The following SAMD5 variants were observed in gnomAD, a reference collection of about 807,000 sequenced individuals.
SAMD5 encodes the protein sterile alpha motif domain containing 5, also known as sterile alpha motif domain-containing protein 5.
Under a neutral mutation model 11.3 loss-of-function variants are expected in SAMD5, and 13 were observed. The ratio of observed to expected loss-of-function variants is 1.15; its 90% CI spans 0.75 to 1.83. The LOEUF (loss-of-function observed/expected upper bound fraction) is 1.83. Among genes scored for constraint, SAMD5 ranks in the 40% most tolerant of loss-of-function variants. The pLI, the probability that SAMD5 is intolerant of heterozygous loss-of-function variation, is 0.00. For synonymous variants in SAMD5, 129 were observed against 111.3 expected (o/e 1.16, Z -1.00); for missense variants, 255 against 239.1 (o/e 1.07, Z -0.44).
At chr6:147,768,439 A>G in the SAMD5 span, among the ~76,000 whole-genome samples, 1 of 152,198 alleles carries the variant, frequency 6.6e-6, no homozygotes, top group Admixed American at 6.5e-5. Flanking sequence ...CGGAGGTTGC[A>G]GTGAGTAGAG....
chr6:147,515,355 G>T (rs1788151787), intron 1 of SAMD5, among the ~76,000 whole-genome samples: 1 of 151,760 alleles, frequency 6.6e-6, no homozygotes, highest in Non-Finnish European at 1.5e-5. Context: ...TCAGCCAACT[G>T]CCTGTCCACC....
rs1554239609 is a variant in SAMD5, at chr6:147,643,795, A to AGGAAAG, written c.163-93522_163-93521insGGAAAG. Among the ~76,000 whole-genome samples the AGGAAAG allele has an allele frequency of 1.5e-3, 225 of 147,070 alleles. 1 individual carries two copies. The highest frequency in any genetic ancestry group is 2.6e-3 in the Non-Finnish European group (174 of 66,448). On this transcript the variant is annotated intron_variant, in intron 1 of 1. Coordinates refer to the SAMD5 transcript ENST00000566741. ...AAGGAAGGAAGGAAGGAAGGAAGGA[A>AGGAAAG]AGAGAGAGAGAGAGAAAGAAAGAAA...
At chr6:147,750,567 A>C in the SAMD5 span, among the ~76,000 whole-genome samples, 1 of 152,150 alleles carries the variant, frequency 6.6e-6, no homozygotes, top group Non-Finnish European at 1.5e-5. Flanking sequence ...ACATTGCTTT[A>C]GACCAGGCTT....
chr6:147,723,410 A>G (rs1388501165), intron 1 of SAMD5, among the ~76,000 whole-genome samples: 3 of 152,172 alleles, frequency 2.0e-5, no homozygotes, highest in African/African-American at 7.2e-5. Flanking sequence ...CTGCCATGGA[A>G]CAGGAGGATT....
the SAMD5 span, among the ~76,000 whole-genome samples, chr6:147,773,027 G>A: frequency 2.0e-5 from 3 of 152,098 alleles, no homozygotes; most frequent in Admixed American, 6.5e-5. Context: ...GAGTCACATG[G>A]CCATTGTCTT....
chr6:147,754,055 G>A, the SAMD5 span, among the ~76,000 whole-genome samples: 1 of 151,906 alleles, frequency 6.6e-6, no homozygotes, highest in Non-Finnish European at 1.5e-5. Context: ...TTTTCTTTTG[G>A]GTATATACCC....
chr6:147,915,967 C>G, the SAMD5 span, among the ~76,000 whole-genome samples: 3 of 144,700 alleles, frequency 2.1e-5, no homozygotes, highest in African/African-American at 7.7e-5. Flanking sequence ...TGTTCTCACT[C>G]GTCAATTCCC....
chr6:147,876,829 T>C, the SAMD5 span, among the ~76,000 whole-genome samples: 126,739 of 152,214 alleles, frequency 0.83, 53,073 homozygotes, highest in African/African-American at 0.91. Flanking sequence ...GGTGATCAAA[T>C]AGCTATTTCA....
chr6:147,930,756 C>T, the SAMD5 span, among the ~76,000 whole-genome samples: 1 of 152,054 alleles, frequency 6.6e-6, no homozygotes, highest in Non-Finnish European at 1.5e-5. Context: ...GTCTGATGTG[C>T]AAAGGCAGGA....
At chr6:147,912,553 GC>G in the SAMD5 span, among the ~76,000 whole-genome samples, 1 of 152,146 alleles carries the variant, frequency 6.6e-6, no homozygotes, top group South Asian at 2.1e-4. Context: ...CTTCAATCTA[GC>G]AGTCCACCTT....
At chr6:147,614,873 C>G (rs1482760160) in intron 1 of SAMD5, among the ~76,000 whole-genome samples, 7 of 151,904 alleles carry the variant, frequency 4.6e-5, no homozygotes, top group African/African-American at 1.7e-4. Flanking sequence ...TCCGTGGATT[C>G]AACCAACCAT....
At chr6:147,941,805 G>A in the SAMD5 span, among the ~76,000 whole-genome samples, 19 of 152,210 alleles carry the variant, frequency 1.2e-4, 1 homozygote, top group East Asian at 3.5e-3. Context: ...TACTTTGGAA[G>A]TTAATTTAGA....
At chr6:147,893,033 T>C in the SAMD5 span, among the ~76,000 whole-genome samples, 17 of 152,164 alleles carry the variant, frequency 1.1e-4, no homozygotes, top group Admixed American at 2.6e-4. Context: ...ACCAACGTGG[T>C]GAAACCCTGT....
intron 1 of SAMD5, among the ~76,000 whole-genome samples, chr6:147,515,365 C>T (rs1171317311): frequency 6.6e-6 from 1 of 151,786 alleles, no homozygotes; most frequent in East Asian, 1.9e-4. Flanking sequence ...GCCTGTCCAC[C>T]CATCCATCCA....
chr6:147,801,086 C>G, the SAMD5 span, among the ~76,000 whole-genome samples: 1 of 152,092 alleles, frequency 6.6e-6, no homozygotes, highest in South Asian at 2.1e-4. Flanking sequence ...AGTTTGCTCT[C>G]CACATACGGT....
chr6:147,677,512 G>GA (rs1790879764), intron 1 of SAMD5, among the ~76,000 whole-genome samples: 1 of 152,122 alleles, frequency 6.6e-6, no homozygotes, highest in East Asian at 1.9e-4. Context: ...GAAAATGGAG[G>GA]AAAAATGTGA....
Position 147,565,770 on chromosome 6 carries a change from T to C in SAMD5, c.*1314T>C, listed in dbSNP as rs1260749844. On this transcript the variant is annotated 3_prime_UTR_variant, in exon 2 of 2. Transcript: ENST00000367474. ...CCATCACACCCGGCCTGGATGCTGG[T>C]AGTTTTATTTTCTGCTTAGAAAACG... The C allele has an allele frequency of 3.0e-6, 3 of 985,272 alleles. No individual in the cohort carries two copies. In the African/African-American group the frequency reaches 5.2e-5, roughly 17 times the overall value. The allele number at this position is 985,272 out of a possible 1,614,324, so 61.0% of individuals were successfully genotyped here. A position where few individuals can be genotyped will look rare whatever the true frequency, so the allele number is the denominator to read the frequency against.
At chr6:147,795,995 A>C in the SAMD5 span, among the ~76,000 whole-genome samples, 1 of 146,528 alleles carries the variant, frequency 6.8e-6, no homozygotes, top group Admixed American at 6.8e-5. Flanking sequence ...GGTTGCGAAA[A>C]TTTTCTCCCA....
chr6:147,870,474 G>GTATA, the SAMD5 span, among the ~76,000 whole-genome samples: 793 of 137,420 alleles, frequency 5.8e-3, 5 homozygotes, highest in East Asian at 0.017. Flanking sequence ...GTGTGTGTGT[G>GTATA]TGTGTGTGTA....
Sources: allele counts gnomAD v4.1 joint callset (sites outside exome capture counted in the v4.1 genomes callset), GRCh38; gene constraint gnomAD v4.1.1; transcripts MANE v1.5; gene names NCBI Gene and HGNC (gene_info 2026-07-23, HGNC 2026-07-21).